The following E2F2 variants were observed in gnomAD, a reference collection of about 807,000 sequenced individuals.
The protein encoded by E2F2 is transcription factor E2F2.
A neutral mutation model predicts 42.2 loss-of-function variants in E2F2; 22 were observed. That is an observed-to-expected ratio of 0.52 (90% CI 0.37 to 0.74). E2F2 has a LOEUF of 0.74. Among genes scored for constraint, E2F2 ranks in the 30% least tolerant of loss-of-function variants. E2F2 has a pLI of 0.00. For synonymous variants in E2F2, 248 were observed against 251.6 expected, an observed-to-expected ratio of 0.99 and a Z score of 0.13; for missense variants, 481 against 557.8, an observed-to-expected ratio of 0.86 and a Z score of 1.39.
intron 6 of E2F2, among the ~76,000 whole-genome samples, chr1:23,511,926 G>A (rs148110236): frequency 1.3e-3 from 195 of 152,228 alleles, no homozygotes; most frequent in African/African-American, 4.2e-3. Context: ...GGCCTGGTGC[G>A]GTGGCTCATG....
chr1:23,520,074 A>G (rs1643106609), intron 4 of E2F2, among the ~76,000 whole-genome samples: 2 of 139,784 alleles, frequency 1.4e-5, no homozygotes, highest in Non-Finnish European at 3.1e-5. Context: ...GTAAGACTCC[A>G]TCTCAAAAAA....
At position 23,520,909 on chromosome 1, in the gene E2F2, A is replaced by C. The variant is rs752147656; in HGVS notation, c.737+4T>G. The C allele has an allele frequency of 6.3e-7, 1 of 1,576,288 alleles. No individual in the cohort carries two copies. Among genetic ancestry groups the C allele is most frequent in the Admixed American group, 1.8e-5 (1 of 54,590 alleles). ...TGACACCTTCCCCCAACCAAGGAGG[A>C]TATCTCTTGTTGGCCTTGTCCTCAG... On this transcript the variant is annotated splice_donor_region_variant and intron_variant, in intron 4 of 6. Coordinates refer to ENST00000361729, the MANE Select transcript of E2F2 (RefSeq NM_004091.4).
chr1:23,509,958 G>A lies in E2F2; in HGVS notation c.1236C>T (p.Tyr412=), dbSNP rs776096433. The A allele has an allele frequency of 5.6e-6, 9 of 1,611,760 alleles. No individual in the cohort carries two copies. In the East Asian group the frequency reaches 1.3e-4, roughly 24 times the overall value. The change falls in exon 7 of 7, where the codon TAC becomes TAT. Residue 412 remains tyrosine (Y), a synonymous_variant. Transcript: ENST00000361729. The part of the protein sequence containing the change: ...SFSPSLDQDD[Y]LWGLEAGEGI... ...CCTCACCCGCCTCCAAGCCCCACAG[G>A]TAGTCGTCCTGGTCCAAGGATGGGG...
chr1:23,514,719 C>A (rs1642983381), intron 6 of E2F2, among the ~76,000 whole-genome samples: 1 of 150,894 alleles, frequency 6.6e-6, no homozygotes, highest in South Asian at 2.1e-4. Flanking sequence ...CACCTGTAAT[C>A]CCAGCTACTT....
In E2F2 at chr1:23,509,697, C is replaced by T. The variant is rs755335521; in HGVS notation, c.*183G>A. 31 of 1,213,336 alleles carry T rather than the reference C, an allele frequency of 2.6e-5. No homozygotes were observed. Among genetic ancestry groups the T allele is most frequent in the African/African-American group, 3.1e-5 (2 of 63,780 alleles). 75.2% of individuals were successfully genotyped at this position (1,213,336 alleles called of 1,614,324 possible). On this transcript the variant is annotated 3_prime_UTR_variant, in exon 7 of 7. Transcript: ENST00000361729. ...AGGTGAGGACCACCCCTTATCCACT[C>T]CTCACCCGTACCATTCATATCTCCC...
chr1:23,523,700 G>A (rs3218158), intron 2 of E2F2, among the ~76,000 whole-genome samples: 2 of 151,972 alleles, frequency 1.3e-5, no homozygotes, highest in Admixed American at 1.3e-4. Flanking sequence ...ACATTAAAAC[G>A]TTTTAAAAAT....
intron 1 of E2F2, among the ~76,000 whole-genome samples, chr1:23,529,909 C>A (rs982951631): frequency 1.3e-5 from 2 of 152,216 alleles, no homozygotes; most frequent in African/African-American, 4.8e-5. Flanking sequence ...TCTCTGGCAA[C>A]GAGCCTGGGA....
chr1:23,524,104 C>CAACAAAAA lies in E2F2; in HGVS notation c.358+278_358+279insTTTTTGTT, dbSNP rs1245087730. On this transcript the variant is annotated intron_variant, in intron 2 of 6. Coordinates refer to ENST00000361729, the MANE Select transcript of E2F2 (RefSeq NM_004091.4). Reference sequence around the variant, plus strand: ...ACAACAACAACAACAACAACAACAACAAAAAAAAACACAGAAGTAATGCAA... The same window carrying CAACAAAAA: ...ACAACAACAACAACAACAACAACAACAACAAAAAAAAAAAAAACACAGAAGTAATGCAA... 1.4e-4 allele frequency among the ~76,000 whole-genome samples: 19 copies of CAACAAAAA among 133,206 alleles called. 2 individuals are homozygous for CAACAAAAA. Among genetic ancestry groups the CAACAAAAA allele is most frequent in the African/African-American group, 4.9e-4 (17 of 34,462 alleles). 87.4% of individuals were successfully genotyped at this position (133,206 alleles called of 152,430 possible). A position where few individuals can be genotyped will look rare whatever the true frequency, so the allele number is the denominator to read the frequency against.
intron 5 of E2F2, 63 bp downstream of exon 5, chr1:23,518,953 C>A: frequency 7.4e-7 from 1 of 1,359,116 alleles, no homozygotes. Context: ...GTCTGCAGAG[C>A]CGCCTGGAAC....
intron 2 of E2F2, among the ~76,000 whole-genome samples, chr1:23,523,536 C>A (rs1442608439): frequency 2.0e-5 from 3 of 152,110 alleles, no homozygotes; most frequent in Non-Finnish European, 4.4e-5. Flanking sequence ...CCTGGGCAGC[C>A]TCTGGATCTT....
rs3218207 is a variant in E2F2 at position 23,510,204 on chromosome 1, G to A, written c.1046-56C>T. 1.7e-5 allele frequency: 25 copies of A among 1,471,972 alleles called. No homozygotes were observed. The African/African-American group carries it at 2.4e-4, about 14-fold the overall frequency. 91.2% of individuals were successfully genotyped at this position (1,471,972 alleles called of 1,614,324 possible). ...GCCCTAGCATCCAACTCCTCAGCAC[G>A]CGAGGACAGACTTCCGGTTCTCTGG... is the stretch of plus-strand genomic sequence containing the variant. On this transcript the variant is annotated intron_variant, in intron 6 of 6. Coordinates refer to ENST00000361729, the MANE Select transcript of E2F2 (RefSeq NM_004091.4).
chr1:23,519,131 G>T lies in E2F2; in HGVS notation c.738-1C>A, dbSNP rs145585855. On this transcript the variant is annotated splice_acceptor_variant, in intron 4 of 6. Transcript: ENST00000361729. LOFTEE classifies it high-confidence loss of function. Reference sequence around the variant, plus strand: ...ATCCTGGTAAGTCACATAGGCCAGCGTAGGGCAGGAGAGTCAAGAAAAGTG... The same window carrying T: ...ATCCTGGTAAGTCACATAGGCCAGCTTAGGGCAGGAGAGTCAAGAAAAGTG... The T allele has an allele frequency of 6.2e-7, 1 of 1,612,210 alleles. No homozygotes were observed. The highest frequency in any genetic ancestry group is 8.5e-7 in the Non-Finnish European group (1 of 1,178,688).
chr1:23,514,341 A>G (rs2148692469), intron 6 of E2F2, among the ~76,000 whole-genome samples: 1 of 152,170 alleles, frequency 6.6e-6, no homozygotes, highest in African/African-American at 2.4e-5. Flanking sequence ...GTCCCAAGGG[A>G]CAGATGGCTA....
At chr1:23,517,857 G>A (rs1015194383) in intron 5 of E2F2, among the ~76,000 whole-genome samples, 3 of 152,184 alleles carry the variant, frequency 2.0e-5, no homozygotes, top group South Asian at 2.1e-4. Flanking sequence ...ATTTCAGCTC[G>A]AGGGGAAGAG....
intron 1 of E2F2, among the ~76,000 whole-genome samples, chr1:23,529,687 A>G (rs576887695): frequency 2.0e-4 from 30 of 152,312 alleles, no homozygotes; most frequent in African/African-American, 6.7e-4. Context: ...TGGGTCCAAG[A>G]CTTGTCCAAG....
chr1:23,531,022 C>G lies in E2F2; in HGVS notation c.-229G>C. ...GATCGCCCGGCGGCTGCGGTGGTGG[C>G]ACTGCCAGGGGCTGTCTCGTCCCGA... On this transcript the variant is annotated 5_prime_UTR_variant, in exon 1 of 7. Transcript: ENST00000361729. 1 of 481,026 alleles carries G rather than the reference C, an allele frequency of 2.1e-6. No individual in the cohort carries two copies. The highest frequency in any genetic ancestry group is 3.5e-6 in the Non-Finnish European group (1 of 287,080). The allele number at this position is 481,026 out of a possible 1,614,324, so 29.8% of individuals were successfully genotyped here.
rs1642857736 is a variant in E2F2 at position 23,509,142 on chromosome 1, C to T, written c.*738G>A. ...CCACAGGAGCCTCAGTGCTACCTGCCCTAGGATGGCTCCCTGGGACCATCT... is the reference window on the plus strand; with the variant it reads ...CCACAGGAGCCTCAGTGCTACCTGCTCTAGGATGGCTCCCTGGGACCATCT... On this transcript the variant is annotated 3_prime_UTR_variant, in exon 7 of 7. Coordinates refer to ENST00000361729, the MANE Select transcript of E2F2 (RefSeq NM_004091.4). 6.6e-6 allele frequency: 1 copy of T among 152,156 alleles called. No individual in the cohort carries two copies. The highest frequency in any genetic ancestry group is 1.5e-5 in the Non-Finnish European group (1 of 68,034). The allele number at this position is 152,156 out of a possible 1,614,324, so 9.4% of individuals were successfully genotyped here. A position where few individuals can be genotyped will look rare whatever the true frequency, so the allele number is the denominator to read the frequency against.
downstream of E2F2, among the ~76,000 whole-genome samples, chr1:23,505,308 G>A (rs564811994): frequency 7.2e-5 from 11 of 152,306 alleles, no homozygotes; most frequent in Admixed American, 4.6e-4. Context: ...GGAGAGTAAC[G>A]CGATTAGAAC....
At chr1:23,511,589 A>C (rs895085308) in intron 6 of E2F2, among the ~76,000 whole-genome samples, 2 of 152,122 alleles carry the variant, frequency 1.3e-5, no homozygotes, top group Non-Finnish European at 2.9e-5. Context: ...GGGACATGCA[A>C]TGAAGCACTG....
Sources: allele counts gnomAD v4.1 joint callset (sites outside exome capture counted in the v4.1 genomes callset), GRCh38; gene constraint gnomAD v4.1.1; transcripts MANE v1.5; gene names NCBI Gene and HGNC (gene_info 2026-07-23, HGNC 2026-07-21).